Variants in PTPRD observed in about 807,000 individuals in gnomAD.
PTPRD encodes receptor-type tyrosine-protein phosphatase delta.
Under a neutral mutation model 214.5 loss-of-function variants are expected in PTPRD, and 34 were observed. The observed-to-expected ratio is 0.16, with a 90% CI of 0.12 to 0.21. The LOEUF is 0.21. Among genes scored for constraint, PTPRD ranks in the 10% least tolerant of loss-of-function variants. The pLI, the probability that PTPRD is intolerant of heterozygous loss-of-function variation, is 1.00. For synonymous variants in PTPRD, 1,128 were observed against 845.7 expected, an observed-to-expected ratio of 1.33 and a Z score of -5.79; for missense variants, 2,545 against 2,398.7, an observed-to-expected ratio of 1.06 and a Z score of -1.27.
At chr9:8,805,392 C>T (rs530994941) in intron 11 of PTPRD, among the ~76,000 whole-genome samples, 2 of 152,024 alleles carry the variant, frequency 1.3e-5, no homozygotes, top group East Asian at 3.9e-4. Context: ...CAGAGTAATC[C>T]AATCCCATTA....
chr9:9,897,725 A>C (rs912247930), intron 5 of PTPRD, among the ~76,000 whole-genome samples: 5 of 152,072 alleles, frequency 3.3e-5, no homozygotes, highest in Non-Finnish European at 5.9e-5. Context: ...ACAATATATT[A>C]TTTTTAGAAA....
chr9:8,856,864 T>A (rs1280949637), intron 11 of PTPRD, among the ~76,000 whole-genome samples: 1 of 152,198 alleles, frequency 6.6e-6, no homozygotes, highest in East Asian at 1.9e-4. Context: ...TGCTTTTAAA[T>A]GAAAATCAAC....
intron 12 of PTPRD, among the ~76,000 whole-genome samples, chr9:8,674,870 TG>T (rs2097369022): frequency 6.6e-6 from 1 of 152,216 alleles, no homozygotes; most frequent in African/African-American, 2.4e-5. Flanking sequence ...GGGGTTTTTT[TG>T]CTTCCTTCAC....
intron 39 of PTPRD, among the ~76,000 whole-genome samples, chr9:8,367,047 C>T (rs1291121684): frequency 6.6e-6 from 1 of 152,050 alleles, no homozygotes; most frequent in African/African-American, 2.4e-5. Context: ...TTTCTAGTGC[C>T]AAGAGATACC....
intron 10 of PTPRD, among the ~76,000 whole-genome samples, chr9:9,128,888 AG>A (rs772642106): frequency 6.6e-6 from 1 of 152,236 alleles, no homozygotes; most frequent in Non-Finnish European, 1.5e-5. Flanking sequence ...ATGAATCTTA[AG>A]TCTAAACAAA....
intron 2 of PTPRD, among the ~76,000 whole-genome samples, chr9:10,515,057 A>T (rs2049575123): frequency 6.6e-6 from 1 of 151,980 alleles, no homozygotes; most frequent in Non-Finnish European, 1.5e-5. Context: ...AAAATTGACA[A>T]AATAAGAATA....
At chr9:9,851,742 T>A (rs558224971) in intron 5 of PTPRD, among the ~76,000 whole-genome samples, 1 of 152,292 alleles carries the variant, frequency 6.6e-6, no homozygotes, top group South Asian at 2.1e-4. Flanking sequence ...TTTGCACCAC[T>A]GCATTCCAAC....
intron 22 of PTPRD, among the ~76,000 whole-genome samples, chr9:8,505,295 A>C (rs1198299353): frequency 6.6e-6 from 1 of 152,158 alleles, no homozygotes; most frequent in African/African-American, 2.4e-5. Context: ...ACTTTATCAA[A>C]TAGTGTTTGC....
intron 9 of PTPRD, among the ~76,000 whole-genome samples, chr9:9,245,749 C>G (rs2099972792): frequency 1.3e-5 from 2 of 152,100 alleles, no homozygotes; most frequent in Admixed American, 1.3e-4. Context: ...TGCACATGTA[C>G]CCTAAAACTA....
chr9:10,211,936 TC>T (rs1310694790), intron 3 of PTPRD, among the ~76,000 whole-genome samples: 1 of 152,186 alleles, frequency 6.6e-6, no homozygotes, highest in African/African-American at 2.4e-5. Flanking sequence ...GCACTTGTAC[TC>T]CTTAAATGTA....
chr9:9,071,919 C>T (rs1206967300), intron 10 of PTPRD, among the ~76,000 whole-genome samples: 2 of 152,090 alleles, frequency 1.3e-5, no homozygotes, highest in South Asian at 2.1e-4. Context: ...ATGCTTTTAA[C>T]CTGTTTGTGT....
chr9:9,367,459 ACTCT>A (rs1439991812), intron 9 of PTPRD, among the ~76,000 whole-genome samples: 1 of 151,664 alleles, frequency 6.6e-6, no homozygotes, highest in Non-Finnish European at 1.5e-5. Context: ...AGTGAAATAA[ACTCT>A]CTCCCAATTG....
intron 9 of PTPRD, among the ~76,000 whole-genome samples, chr9:9,204,497 A>G (rs1231953584): frequency 6.6e-6 from 1 of 152,156 alleles, no homozygotes; most frequent in Non-Finnish European, 1.5e-5. Context: ...GCCTCTAAGC[A>G]TTACCGGGTT....
At chr9:8,703,353 G>A (rs1024339313) in intron 12 of PTPRD, among the ~76,000 whole-genome samples, 1 of 152,134 alleles carries the variant, frequency 6.6e-6, no homozygotes, top group Non-Finnish European at 1.5e-5. Flanking sequence ...AATATTCCCA[G>A]ATTCAGAATT....
At chr9:8,516,875 C>T (rs2097790416) in intron 21 of PTPRD, among the ~76,000 whole-genome samples, 1 of 141,424 alleles carries the variant, frequency 7.1e-6, no homozygotes, top group Non-Finnish European at 1.5e-5. Flanking sequence ...ACAATCTTAG[C>T]TCACTGCAAA....
At chr9:9,280,158 G>C (rs753138426) in intron 9 of PTPRD, among the ~76,000 whole-genome samples, 4 of 151,206 alleles carry the variant, frequency 2.6e-5, no homozygotes, top group Non-Finnish European at 4.4e-5. Flanking sequence ...TACTCTCATG[G>C]CCCTTATGAG....
At chr9:8,682,835 G>A (rs2097575760) in intron 12 of PTPRD, among the ~76,000 whole-genome samples, 1 of 152,188 alleles carries the variant, frequency 6.6e-6, no homozygotes, top group African/African-American at 2.4e-5. Context: ...CTCTTCTAAT[G>A]TAGGCCTATC....
chr9:10,120,677 AT>A (rs1019848023), intron 3 of PTPRD, among the ~76,000 whole-genome samples: 2 of 144,498 alleles, frequency 1.4e-5, no homozygotes, highest in South Asian at 2.3e-4. Flanking sequence ...TTGAAAAAAA[AT>A]TTGCTTAAAA....
chr9:8,416,327 C>T (rs572207764), intron 35 of PTPRD, among the ~76,000 whole-genome samples: 4 of 152,160 alleles, frequency 2.6e-5, no homozygotes, highest in African/African-American at 7.2e-5. Flanking sequence ...ATATAAAAAC[C>T]TAGAATGTTA....
Sources: allele counts gnomAD v4.1 joint callset (sites outside exome capture counted in the v4.1 genomes callset), GRCh38; gene constraint gnomAD v4.1.1; transcripts MANE v1.5; gene names NCBI Gene and HGNC (gene_info 2026-07-23, HGNC 2026-07-21).